Variants in CYB5B observed in about 807,000 individuals in gnomAD.
The protein encoded by CYB5B is cytochrome b5 type B.
In CYB5B, 14 loss-of-function variants were observed where a neutral mutation model predicts 21.3. The observed-to-expected ratio is 0.66, with a 90% CI of 0.43 to 1.03. The LOEUF (loss-of-function observed/expected upper bound fraction) is 1.03. CYB5B is among the 50% of genes least tolerant of loss of function. The probability of loss-of-function intolerance (pLI) is 0.00; values close to 1 mark genes in which losing one functional copy is unlikely to be tolerated. For missense variants in CYB5B, 166 were observed against 185.1 expected (o/e 0.90, Z 0.60); for synonymous variants, 69 against 68.4 (o/e 1.01, Z -0.04).
At chr16:69,444,022 G>A (rs2014852019) in intron 1 of CYB5B, 1 of 152,320 alleles carries the variant, frequency 6.6e-6, no homozygotes, top group Admixed American at 6.5e-5. Flanking sequence ...AGCATAGTGG[G>A]AGGAAGTGGT....
intron 1 of CYB5B, among the ~76,000 whole-genome samples, chr16:69,426,969 G>C (rs1302490316): frequency 6.6e-6 from 1 of 152,200 alleles, no homozygotes; most frequent in African/African-American, 2.4e-5. Flanking sequence ...GCTGGGCGCA[G>C]TGACTCATGC....
chr16:69,455,466 G>A (rs538069358), intron 3 of CYB5B, among the ~76,000 whole-genome samples: 5 of 149,506 alleles, frequency 3.3e-5, no homozygotes, highest in African/African-American at 9.9e-5. Flanking sequence ...GGAGTGCAAC[G>A]GTGTGATCTC....
chr16:69,451,088 C>T (rs987211958), intron 3 of CYB5B, among the ~76,000 whole-genome samples: 8 of 151,920 alleles, frequency 5.3e-5, no homozygotes, highest in Non-Finnish European at 1.2e-4. Flanking sequence ...GACTTAAAAA[C>T]TTAAAGATGT....
chr16:69,435,731 G>A (rs540159443), intron 1 of CYB5B, among the ~76,000 whole-genome samples: 2 of 152,132 alleles, frequency 1.3e-5, no homozygotes, highest in East Asian at 3.9e-4. Context: ...TCTGCCTCCC[G>A]GGTTCAAGCA....
intron 3 of CYB5B, among the ~76,000 whole-genome samples, chr16:69,450,948 A>T (rs1354370400): frequency 6.6e-6 from 1 of 152,146 alleles, no homozygotes; most frequent in Non-Finnish European, 1.5e-5. Context: ...ACCATTCCCT[A>T]ATTCTTTTAG....
rs761346220 is a variant in CYB5B at position 69,462,457 on chromosome 16, C to T, written c.390C>T (p.Ile130=). The T allele has an allele frequency of 3.7e-6, 6 of 1,614,152 alleles. No individual in the cohort carries two copies. In the South Asian group the frequency reaches 6.6e-5, roughly 18 times the overall value. ...KSCWAYWILP[I]IGAVLLGFLY... ...GCTGGGCATATTGGATTTTACCCATCATAGGCGCTGTTCTCTTAGGTTTCC... is the reference window on the plus strand; with the variant it reads ...GCTGGGCATATTGGATTTTACCCATTATAGGCGCTGTTCTCTTAGGTTTCC... Residue 130 remains isoleucine, a synonymous_variant, in exon 5 of 5, where the codon ATC becomes ATT. Transcript: ENST00000307892.
At chr16:69,448,079 G>C in intron 2 of CYB5B, 36 bp from the exon 3 acceptor site, 1 of 1,606,114 alleles carries the variant, frequency 6.2e-7, no homozygotes, top group Non-Finnish European at 8.5e-7. Flanking sequence ...ATTTGGCTAT[G>C]TCTTAAAATA....
intron 1 of CYB5B, among the ~76,000 whole-genome samples, chr16:69,430,266 G>C (rs2014692111): frequency 6.6e-6 from 1 of 151,604 alleles, no homozygotes; most frequent in East Asian, 1.9e-4. Flanking sequence ...GTCCAGGCTT[G>C]AGTGCAGTGG....
intron 1 of CYB5B, among the ~76,000 whole-genome samples, chr16:69,444,858 T>C (rs1026143569): frequency 6.6e-6 from 1 of 152,248 alleles, no homozygotes; most frequent in African/African-American, 2.4e-5. Context: ...AATTGTTAAC[T>C]GGACTTATTT....
chr16:69,453,703 C>T (rs549881457), intron 3 of CYB5B, among the ~76,000 whole-genome samples: 4 of 152,150 alleles, frequency 2.6e-5, no homozygotes, highest in Admixed American at 6.5e-5. Context: ...GGATTACAGG[C>T]GCCTACCACC....
Position 69,462,640 on chromosome 16 carries a change from C to G in CYB5B, c.*120C>G, listed in dbSNP as rs551563786. 22 of 794,694 alleles carry G rather than the reference C, an allele frequency of 2.8e-5. No individual in the cohort carries two copies. The South Asian group carries it at 3.2e-4, about 12-fold the overall frequency. 49.2% of individuals were successfully genotyped at this position (794,694 alleles called of 1,614,324 possible). ...CCAGTTGCATTCTTCCCCCTTGGAG[C>G]CAAGACGATTGGCCAGACATCACCT... On this transcript the variant is annotated 3_prime_UTR_variant, in exon 5 of 5. Transcript: ENST00000307892.
chr16:69,435,041 T>C (rs1236368379), intron 1 of CYB5B, among the ~76,000 whole-genome samples: 1 of 152,166 alleles, frequency 6.6e-6, no homozygotes, highest in Non-Finnish European at 1.5e-5. Flanking sequence ...TTGTTTGTTA[T>C]TTTTGACTTG....
intron 1 of CYB5B, among the ~76,000 whole-genome samples, chr16:69,434,680 A>G (rs2014741460): frequency 6.6e-6 from 1 of 152,182 alleles, no homozygotes; most frequent in South Asian, 2.1e-4. Flanking sequence ...CCTGGCCAAC[A>G]TAGTGAAACC....
intron 4 of CYB5B, among the ~76,000 whole-genome samples, chr16:69,460,182 C>G (rs538982571): frequency 6.6e-6 from 1 of 151,246 alleles, no homozygotes; most frequent in Non-Finnish European, 1.5e-5. Flanking sequence ...TGCAGTGAGC[C>G]AAGATCGCTC....
intron 1 of CYB5B, among the ~76,000 whole-genome samples, chr16:69,442,855 A>C (rs2014838959): frequency 7.0e-6 from 1 of 142,186 alleles, no homozygotes; most frequent in Non-Finnish European, 1.5e-5. Flanking sequence ...AAATTCTGAG[A>C]GTCTCTAGCT....
Position 69,464,174 on chromosome 16 carries a change from C to T in CYB5B, c.*1654C>T, listed in dbSNP as rs750713191. 11 of 152,138 alleles carry T rather than the reference C, an allele frequency of 7.2e-5. No individual in the cohort carries two copies. The highest frequency in any genetic ancestry group is 1.3e-4 in the Non-Finnish European group (9 of 68,032). The allele number at this position is 152,138 out of a possible 1,614,324, so 9.4% of individuals were successfully genotyped here. A position where few individuals can be genotyped will look rare whatever the true frequency, so the allele number is the denominator to read the frequency against. On this transcript the variant is annotated 3_prime_UTR_variant, in exon 5 of 5. Transcript: ENST00000307892. ...AAACTATTTAAGAAAAAGTTCAACCCAGGTCTTGTATCCTGTGATTTAGCA... is the reference window on the plus strand; with the variant it reads ...AAACTATTTAAGAAAAAGTTCAACCTAGGTCTTGTATCCTGTGATTTAGCA...
intron 1 of CYB5B, among the ~76,000 whole-genome samples, chr16:69,445,870 C>T (rs112848432): frequency 0.02 from 2,988 of 152,172 alleles, 101 homozygotes; most frequent in African/African-American, 0.068. Flanking sequence ...GCAGGAGAAT[C>T]GCTTGAACCC....
At chr16:69,457,701 A>T (rs2014995939) in intron 3 of CYB5B, among the ~76,000 whole-genome samples, 1 of 152,192 alleles carries the variant, frequency 6.6e-6, no homozygotes, top group African/African-American at 2.4e-5. Context: ...GATAATGATA[A>T]TCATTAAAGT....
At chr16:69,444,644 C>G (rs1262492708) in intron 1 of CYB5B, among the ~76,000 whole-genome samples, 1 of 151,920 alleles carries the variant, frequency 6.6e-6, no homozygotes, top group Non-Finnish European at 1.5e-5. Context: ...TTTGATCACT[C>G]TGACCCCCAC....
Sources: gnomAD v4.1 joint callset for allele counts (sites outside exome capture counted in the v4.1 genomes callset) on GRCh38, gnomAD v4.1.1 for gene constraint, MANE v1.5 for transcripts, NCBI Gene and HGNC (gene_info 2026-07-23, HGNC 2026-07-21) for gene names.